UGT1A6: variants seen among roughly 807,000 people sequenced by gnomAD.
The protein encoded by UGT1A6 is UDP glucuronosyltransferase family 1 member A6, also known as UDP-glucuronosyltransferase 1A6.
A neutral mutation model predicts 44.4 loss-of-function variants in UGT1A6; 32 were observed. The ratio of observed to expected loss-of-function variants is 0.72; its 90% confidence interval spans 0.54 to 0.97. The LOEUF is 0.97. UGT1A6 is among the 50% of genes least tolerant of loss of function. The pLI, the probability that UGT1A6 is intolerant of heterozygous loss-of-function variation, is 0.00. For missense variants in UGT1A6, 685 were observed against 661.9 expected (o/e 1.03, Z -0.38); for synonymous variants, 238 against 248.5 (o/e 0.96, Z 0.40).
chr2:233,729,864 G>A (rs567615944), intron 1 of UGT1A6: 25 of 1,613,784 alleles, frequency 1.5e-5, no homozygotes, highest in African/African-American at 2.7e-5. Flanking sequence ...TGTCAGTGGT[G>A]GATATTCTCA....
At chr2:233,726,859 C>T (rs1181297447) in intron 1 of UGT1A6, among the ~76,000 whole-genome samples, 2 of 152,200 alleles carry the variant, frequency 1.3e-5, no homozygotes, top group Non-Finnish European at 2.9e-5. Flanking sequence ...TCTCCATAGT[C>T]TTCTATTCTC....
intron 1 of UGT1A6, among the ~76,000 whole-genome samples, chr2:233,749,225 A>G (rs1694145904): frequency 6.6e-6 from 1 of 151,808 alleles, no homozygotes; most frequent in Non-Finnish European, 1.5e-5. Context: ...TCTAAGCTTC[A>G]TTTTTTAAAA....
intron 1 of UGT1A6, among the ~76,000 whole-genome samples, chr2:233,708,188 A>AT (rs2076007584): frequency 6.6e-6 from 1 of 152,238 alleles, no homozygotes; most frequent in Non-Finnish European, 1.5e-5. Flanking sequence ...TGTCGTGCAC[A>AT]TTTTAAATGT....
chr2:233,725,771 TTTG>T (rs1358189375), intron 1 of UGT1A6, among the ~76,000 whole-genome samples: 1 of 152,264 alleles, frequency 6.6e-6, no homozygotes, highest in Admixed American at 6.5e-5. Flanking sequence ...CTTCACATAG[TTTG>T]TTGTTATCAT....
chr2:233,759,973 C>G (rs1206858232), intron 1 of UGT1A6, among the ~76,000 whole-genome samples: 2 of 152,170 alleles, frequency 1.3e-5, no homozygotes, highest in African/African-American at 4.8e-5. Context: ...TTCTTCCTCT[C>G]TGGTAACACT....
chr2:233,767,805 T>C lies in UGT1A6; in HGVS notation c.994-44T>C, dbSNP rs774301079. On this transcript the variant is annotated intron_variant, in intron 2 of 4. Coordinates refer to ENST00000305139, the MANE Select transcript of UGT1A6 (RefSeq NM_001072.4). The stretch of plus-strand genomic sequence containing the variant: ...GTATAGCAGATTTGTTTTCTAATCA[T>C]ATTATGTTCTTTCTTTACGTTCTGC... 24 of 1,614,048 alleles carry C rather than the reference T, an allele frequency of 1.5e-5. No homozygotes were observed. In the South Asian group the frequency reaches 2.5e-4, roughly 17 times the overall value.
chr2:233,736,073 G>A (rs972063908), intron 1 of UGT1A6, among the ~76,000 whole-genome samples: 1 of 152,142 alleles, frequency 6.6e-6, no homozygotes, highest in Non-Finnish European at 1.5e-5. Flanking sequence ...CTAGGTTTGG[G>A]AAGTTCTCCT....
chr2:233,707,323 G>A (rs1469096333), intron 1 of UGT1A6, among the ~76,000 whole-genome samples: 1 of 152,126 alleles, frequency 6.6e-6, no homozygotes, highest in African/African-American at 2.4e-5. Flanking sequence ...AGCTAAACAT[G>A]TGCCATGGTG....
intron 1 of UGT1A6, chr2:233,713,315 G>A (rs1559359231): frequency 1.9e-6 from 3 of 1,614,100 alleles, no homozygotes; most frequent in Admixed American, 1.7e-5. Context: ...ATCTTCTGAT[G>A]AAATTTTCTA....
chr2:233,763,358 T>G (rs1698289277), intron 1 of UGT1A6, among the ~76,000 whole-genome samples: 1 of 152,246 alleles, frequency 6.6e-6, no homozygotes, highest in Admixed American at 6.5e-5. Context: ...TCTTTAGTAC[T>G]CCTTTGTCTT....
At chr2:233,724,451 C>T (rs1350834688) in intron 1 of UGT1A6, among the ~76,000 whole-genome samples, 1 of 120,264 alleles carries the variant, frequency 8.3e-6, no homozygotes. Flanking sequence ...GACAGGGCAG[C>T]TGCCGGGCGG....
rs746631423 is a variant in UGT1A6 at position 233,693,488 on chromosome 2, T to C, written c.484T>C (p.Tyr162His). The change falls in exon 1 of 5, where the codon TAT becomes CAT. Residue 162 changes from tyrosine to histidine, a missense_variant. By Grantham distance (83) the Tyr-to-His change is moderately conservative (BLOSUM62 2). Coordinates refer to ENST00000305139, the MANE Select transcript of UGT1A6 (RefSeq NM_001072.4). Reference sequence around the variant, plus strand: ...ACCCTGTGGGGTGATCCTGGCTGAGTATTTGGGCCTACCATCTGTGTACCT... The same window carrying C: ...ACCCTGTGGGGTGATCCTGGCTGAGCATTTGGGCCTACCATCTGTGTACCT... ...ALPCGVILAE[Y>H]LGLPSVYLFR... is the part of the protein sequence containing the mutation. The C allele has an allele frequency of 1.2e-6, 2 of 1,613,982 alleles. No homozygotes were observed. The highest frequency in any genetic ancestry group is 2.7e-5 in the African/African-American group (2 of 74,878).
chr2:233,709,911 C>T (rs2076097250), intron 1 of UGT1A6, among the ~76,000 whole-genome samples: 1 of 152,178 alleles, frequency 6.6e-6, no homozygotes, highest in Admixed American at 6.5e-5. Context: ...CACCTAATAC[C>T]TCCCCTCACC....
chr2:233,747,375 G>A, intron 1 of UGT1A6: 1 of 1,604,748 alleles, frequency 6.2e-7, no homozygotes, highest in Non-Finnish European at 8.5e-7. Flanking sequence ...CCATGCCAGA[G>A]GCCACCAGGC....
chr2:233,714,109 G>A (rs561415823), intron 1 of UGT1A6, among the ~76,000 whole-genome samples: 1 of 152,272 alleles, frequency 6.6e-6, no homozygotes, highest in East Asian at 1.9e-4. Flanking sequence ...AGAGTGGTGT[G>A]ACTCACGGAG....
chr2:233,715,089 T>C (rs1480789668), intron 1 of UGT1A6, among the ~76,000 whole-genome samples: 2 of 152,174 alleles, frequency 1.3e-5, no homozygotes, highest in East Asian at 3.9e-4. Flanking sequence ...TTTCATCATA[T>C]TGGCCAGGCT....
At chr2:233,718,298 C>T (rs563376367) in intron 1 of UGT1A6, among the ~76,000 whole-genome samples, 1 of 152,358 alleles carries the variant, frequency 6.6e-6, no homozygotes, top group South Asian at 2.1e-4. Flanking sequence ...CCAGCCTGAA[C>T]ACTCTCTGTT....
At chr2:233,718,992 G>T (rs746825567) in intron 1 of UGT1A6, 3 of 1,614,262 alleles carry the variant, frequency 1.9e-6, no homozygotes, top group Non-Finnish European at 2.5e-6. Flanking sequence ...AGGCCACCAG[G>T]CGGTGGTCCT....
intron 1 of UGT1A6, among the ~76,000 whole-genome samples, chr2:233,759,210 T>C (rs1169742751): frequency 6.6e-6 from 1 of 152,134 alleles, no homozygotes; most frequent in African/African-American, 2.4e-5. Context: ...CCCAATCAGG[T>C]CCATTTATGC....
Sources: allele counts gnomAD v4.1 joint callset (sites outside exome capture counted in the v4.1 genomes callset), GRCh38; gene constraint gnomAD v4.1.1; transcripts MANE v1.5; gene names NCBI Gene and HGNC (gene_info 2026-07-23, HGNC 2026-07-21).